GRB2: variants seen among roughly 807,000 people sequenced by gnomAD.
GRB2 encodes the protein growth factor receptor-bound protein 2.
GRB2 carries 2 observed loss-of-function variants against 27.4 expected under a neutral mutation model. The observed-to-expected ratio is 0.07, with a 90% confidence interval of 0.03 to 0.23. The LOEUF (loss-of-function observed/expected upper bound fraction) is 0.23, where lower values mean the gene tolerates loss of function less well. Ranked by LOEUF, GRB2 falls within the 10% of genes least tolerant of loss-of-function variation. The pLI, the probability that GRB2 is intolerant of heterozygous loss-of-function variation, is 1.00. For synonymous variants in GRB2, 94 were observed against 99.6 expected, an observed-to-expected ratio of 0.94 and a Z score of 0.33; for missense variants, 102 against 282.4, an observed-to-expected ratio of 0.36 and a Z score of 4.58.
Position 75,358,740 on chromosome 17 carries a change from G to GGGTAT in GRB2, c.79-25948_79-25944dup, listed in dbSNP as rs2078753953. On this transcript the variant is annotated intron_variant, in intron 2 of 5. Coordinates refer to ENST00000316804, the MANE Select transcript of GRB2 (RefSeq NM_002086.5). ...AAAAAAAAAAAACAAAAAATTAGCT[G>GGGTAT]GGTATGGTGGCACATACCTGTAAAT... 2.1e-5 allele frequency among the ~76,000 whole-genome samples: 3 copies of GGGTAT among 146,322 alleles called. No individual in the cohort carries two copies. The East Asian group carries it at 5.9e-4, about 29-fold the overall frequency.
intron 4 of GRB2, among the ~76,000 whole-genome samples, chr17:75,322,838 G>A (rs1422945258): frequency 1.3e-5 from 2 of 152,012 alleles, no homozygotes; most frequent in East Asian, 1.9e-4. Context: ...CGGCATTCTC[G>A]GCCGGATGCG....
chr17:75,391,760 A>T (rs1352481750), intron 2 of GRB2, among the ~76,000 whole-genome samples: 2 of 148,214 alleles, frequency 1.3e-5, no homozygotes, highest in Non-Finnish European at 1.5e-5. Context: ...GTGAGCCCAG[A>T]TTGTACCACC....
intron 1 of GRB2, among the ~76,000 whole-genome samples, chr17:75,398,892 T>G (rs1259850490): frequency 6.6e-6 from 1 of 151,300 alleles, no homozygotes; most frequent in Admixed American, 6.6e-5. Context: ...GGATTACAGG[T>G]GCCTGTAACC....
chr17:75,339,445 G>A (rs1035531163), intron 2 of GRB2, among the ~76,000 whole-genome samples: 13 of 151,138 alleles, frequency 8.6e-5, no homozygotes, highest in Admixed American at 4.0e-4. Flanking sequence ...CACCCACCTC[G>A]GCCTCCCAAG....
intron 2 of GRB2, among the ~76,000 whole-genome samples, chr17:75,370,356 C>T (rs568177127): frequency 3.3e-5 from 5 of 152,284 alleles, no homozygotes; most frequent in Middle Eastern, 3.4e-3. Context: ...AATTTCAATA[C>T]GAAGGCTTTC....
At chr17:75,339,921 A>G (rs6501777) in intron 2 of GRB2, among the ~76,000 whole-genome samples, 91,724 of 151,722 alleles carry the variant, frequency 0.6, 32,612 homozygotes, top group East Asian at 0.87. Context: ...TAGCCACGGC[A>G]CCTGGCCCTT....
At chr17:75,334,557 GGT>G (rs775163911) in intron 2 of GRB2, among the ~76,000 whole-genome samples, 57 of 152,274 alleles carry the variant, frequency 3.7e-4, no homozygotes, top group Middle Eastern at 6.8e-3. Context: ...TGAGATTACA[GGT>G]GTGAGCCACC....
chr17:75,340,847 C>T (rs1003383959), intron 2 of GRB2, among the ~76,000 whole-genome samples: 2 of 152,172 alleles, frequency 1.3e-5, no homozygotes, highest in African/African-American at 4.8e-5. Flanking sequence ...AAAACACCCA[C>T]AGTGTAGATA....
rs1405994037 is a variant in GRB2 at position 75,320,587 on chromosome 17, A to C, written c.469-34T>G. 1 of 1,580,344 alleles carries C rather than the reference A, an allele frequency of 6.3e-7. No individual in the cohort carries two copies. Among genetic ancestry groups the C allele is most frequent in the East Asian group, 2.3e-5 (1 of 44,402 alleles). ...CAGGAGCAGGAAAAACCCACATTGC[A>C]TTCCTGGTCTGTGACTGGCCACCTC... On this transcript the variant is annotated intron_variant, in intron 5 of 5. Coordinates refer to ENST00000316804, the MANE Select transcript of GRB2 (RefSeq NM_002086.5). The surrounding 1 kb of genome is among the most constrained non-coding windows in gnomAD (Gnocchi z 4.3).
At chr17:75,381,664 T>C (rs2078928841) in intron 2 of GRB2, among the ~76,000 whole-genome samples, 1 of 138,486 alleles carries the variant, frequency 7.2e-6, no homozygotes, top group Non-Finnish European at 1.5e-5. Context: ...GAGGTTGCAA[T>C]GAGCTGAGAT....
intron 2 of GRB2, among the ~76,000 whole-genome samples, chr17:75,381,734 AG>A (rs879367372): frequency 2.0e-3 from 266 of 133,864 alleles, no homozygotes; most frequent in Non-Finnish European, 3.2e-3. Flanking sequence ...AAAAAAAAAA[AG>A]AAAAAAAAAA....
intron 2 of GRB2, among the ~76,000 whole-genome samples, chr17:75,382,794 A>T (rs6501787): frequency 2.6e-5 from 4 of 152,054 alleles, no homozygotes; most frequent in African/African-American, 7.3e-5. Context: ...CTGCAAGCTC[A>T]GCCTTCCGGG....
At chr17:75,386,083 C>T (rs1467622879) in intron 2 of GRB2, among the ~76,000 whole-genome samples, 2 of 152,014 alleles carry the variant, frequency 1.3e-5, no homozygotes, top group African/African-American at 2.4e-5. Context: ...CTTATGTCTA[C>T]ATCTTTAAAA....
At chr17:75,364,746 T>C (rs55633493) in intron 2 of GRB2, among the ~76,000 whole-genome samples, 2 of 152,008 alleles carry the variant, frequency 1.3e-5, no homozygotes, top group Non-Finnish European at 2.9e-5. Context: ...TTAAGACTAT[T>C]ATGGACAATG....
intron 2 of GRB2, among the ~76,000 whole-genome samples, chr17:75,333,372 G>A (rs1489127219): frequency 1.3e-5 from 2 of 152,078 alleles, no homozygotes; most frequent in Non-Finnish European, 2.9e-5. Flanking sequence ...CACTGTGCCC[G>A]GCCAGTTTTT....
At chr17:75,352,794 C>T (rs1341725873) in intron 2 of GRB2, among the ~76,000 whole-genome samples, 2 of 151,958 alleles carry the variant, frequency 1.3e-5, no homozygotes, top group African/African-American at 2.4e-5. Context: ...AACTGACTAG[C>T]ACCAAAATTT....
At chr17:75,396,898 G>A (rs1330899342) in intron 1 of GRB2, among the ~76,000 whole-genome samples, 1 of 152,166 alleles carries the variant, frequency 6.6e-6, no homozygotes, top group Non-Finnish European at 1.5e-5. Context: ...CACTTTCAAG[G>A]TGCTATGTAG....
At chr17:75,370,144 G>A (rs1306126738) in intron 2 of GRB2, among the ~76,000 whole-genome samples, 1 of 152,210 alleles carries the variant, frequency 6.6e-6, no homozygotes, top group Non-Finnish European at 1.5e-5. Flanking sequence ...CATATGGTTA[G>A]CTGTTAACAG....
intron 2 of GRB2, among the ~76,000 whole-genome samples, chr17:75,356,868 C>A (rs563997177): frequency 1.3e-5 from 2 of 152,334 alleles, no homozygotes; most frequent in Non-Finnish European, 2.9e-5. Flanking sequence ...CCTGTTGGGT[C>A]TCCTTTGCTA....
Sources: allele counts gnomAD v4.1 joint callset (sites outside exome capture counted in the v4.1 genomes callset), GRCh38; gene constraint gnomAD v4.1.1; non-coding constraint Gnocchi (gnomAD v3.1); transcripts MANE v1.5; gene names NCBI Gene and HGNC (gene_info 2026-07-23, HGNC 2026-07-21).